Variants in FRMD4B observed in about 807,000 individuals in gnomAD.
The protein encoded by FRMD4B is FERM domain containing 4B.
In FRMD4B, 74 loss-of-function variants were observed where a neutral mutation model predicts 141.5. That is an observed-to-expected ratio of 0.52 (90% CI 0.43 to 0.63). The LOEUF (loss-of-function observed/expected upper bound fraction) is 0.63. FRMD4B is among the 30% of genes least tolerant of loss of function. The probability of loss-of-function intolerance (pLI) is 0.00; values close to 1 mark genes in which losing one functional copy is unlikely to be tolerated. For missense variants in FRMD4B, 1,366 were observed against 1,253.4 expected (o/e 1.09, Z -1.36); for synonymous variants, 506 against 467.9 (o/e 1.08, Z -1.05).
At chr3:69,341,512 C>T (rs1468079169) in intron 1 of FRMD4B, among the ~76,000 whole-genome samples, 3 of 152,174 alleles carry the variant, frequency 2.0e-5, no homozygotes, top group Admixed American at 6.5e-5. Context: ...GCAAGGCTTG[C>T]TCTTACATTC....
intron 1 of FRMD4B, among the ~76,000 whole-genome samples, chr3:69,498,680 A>T (rs937616570): frequency 6.6e-6 from 1 of 152,238 alleles, no homozygotes; most frequent in Non-Finnish European, 1.5e-5. Context: ...GTTAAGAGTT[A>T]TAAGAGTAAA....
chr3:69,356,072 G>C (rs1229259530), intron 1 of FRMD4B, among the ~76,000 whole-genome samples: 1 of 152,090 alleles, frequency 6.6e-6, no homozygotes. Context: ...GCTTTTCTTT[G>C]GGGACACCAT....
At chr3:69,280,208 A>G (rs2093638346) in intron 5 of FRMD4B, among the ~76,000 whole-genome samples, 1 of 152,086 alleles carries the variant, frequency 6.6e-6, no homozygotes, top group African/African-American at 2.4e-5. Flanking sequence ...GCATTTCCAC[A>G]TCACCACACC....
chr3:69,517,580 C>T (rs1313591993), intron 1 of FRMD4B, among the ~76,000 whole-genome samples: 1 of 152,136 alleles, frequency 6.6e-6, no homozygotes, highest in Non-Finnish European at 1.5e-5. Context: ...CAGTCCAAAA[C>T]TATCAAAGGC....
chr3:69,222,040 G>T lies in FRMD4B; in HGVS notation c.666-117C>A. 6 of 680,898 alleles carry T rather than the reference G, an allele frequency of 8.8e-6. No individual in the cohort carries two copies. In the South Asian group the frequency reaches 9.7e-5, roughly 11 times the overall value. 42.2% of individuals were successfully genotyped at this position (680,898 alleles called of 1,614,324 possible). Reference sequence around the variant, plus strand: ...TGAGAGAGAAAGCCTTCACCAACTTGTTTGGTAGATAGAGTTTGGCTTTTG... The same window carrying T: ...TGAGAGAGAAAGCCTTCACCAACTTTTTTGGTAGATAGAGTTTGGCTTTTG... On this transcript the variant is annotated intron_variant, in intron 8 of 22. Coordinates refer to ENST00000398540, the MANE Select transcript of FRMD4B (RefSeq NM_015123.3).
chr3:69,410,161 A>ACT (rs1704729072), intron 2 of FRMD4B, among the ~76,000 whole-genome samples: 1 of 152,190 alleles, frequency 6.6e-6, no homozygotes, highest in Non-Finnish European at 1.5e-5. Flanking sequence ...AACAAAGGTT[A>ACT]ACTTTCGTTG....
At chr3:69,198,848 C>G in intron 11 of FRMD4B, 74 bp from the exon 12 acceptor site, 1 of 754,220 alleles carries the variant, frequency 1.3e-6, no homozygotes, top group Non-Finnish European at 2.3e-6. Flanking sequence ...GCTTAATAAT[C>G]AAACAATTAT....
intron 5 of FRMD4B, chr3:69,250,322 T>TGTGTGTGTGTGTGTGTG: frequency 4.1e-6 from 2 of 486,506 alleles, no homozygotes; most frequent in South Asian, 5.4e-5. Context: ...TGTGTGTCTA[T>TGTGTGTGTGTGTGTGTG]TTTAAATAGC....
At chr3:69,517,866 T>G (rs1226450865) in intron 1 of FRMD4B, among the ~76,000 whole-genome samples, 1 of 152,190 alleles carries the variant, frequency 6.6e-6, no homozygotes. Context: ...AGTGCAGTCG[T>G]TTTCATACTT....
rs531412863 is a variant in FRMD4B, at chr3:69,205,171, T to C, written c.877-6397A>G. On this transcript the variant is annotated intron_variant, in intron 11 of 22. Coordinates refer to ENST00000398540, the MANE Select transcript of FRMD4B (RefSeq NM_015123.3). ...GCGGGATAGGACTGAGTCCCCCCCC[T>C]TTTTTTTTTGTATGAGATAGGGTCT... Among the ~76,000 whole-genome samples the C allele has an allele frequency of 5.5e-3, 780 of 141,436 alleles. 12 individuals are homozygous for C. Among genetic ancestry groups the C allele is most frequent in the African/African-American group, 0.02 (735 of 36,742 alleles). 92.8% of individuals were successfully genotyped at this position (141,436 alleles called of 152,430 possible). A position where few individuals can be genotyped will look rare whatever the true frequency, so the allele number is the denominator to read the frequency against.
chr3:69,388,584 C>A (rs1704317910), upstream of FRMD4B, among the ~76,000 whole-genome samples: 1 of 152,140 alleles, frequency 6.6e-6, no homozygotes, highest in African/African-American at 2.4e-5. Flanking sequence ...AACTTCAGAT[C>A]TCCTCTCCTC....
chr3:69,512,342 G>C (rs1181365744), intron 1 of FRMD4B, among the ~76,000 whole-genome samples: 1 of 152,192 alleles, frequency 6.6e-6, no homozygotes, highest in Non-Finnish European at 1.5e-5. Context: ...ACACTTTCTT[G>C]GGTTAACCGC....
intron 1 of FRMD4B, among the ~76,000 whole-genome samples, chr3:69,476,960 G>C (rs1338789439): frequency 6.6e-6 from 1 of 152,028 alleles, no homozygotes; most frequent in South Asian, 2.1e-4. Flanking sequence ...TATTCTCTTT[G>C]AAGCAATTGT....
chr3:69,315,401 T>C (rs1225173331), intron 1 of FRMD4B, among the ~76,000 whole-genome samples: 1 of 152,152 alleles, frequency 6.6e-6, no homozygotes, highest in Non-Finnish European at 1.5e-5. Context: ...TTTACTTTAG[T>C]ACATATTATA....
intron 11 of FRMD4B, among the ~76,000 whole-genome samples, chr3:69,204,846 TG>T (rs1256521929): frequency 2.6e-5 from 4 of 152,182 alleles, no homozygotes; most frequent in African/African-American, 9.6e-5. Context: ...AACAACCACA[TG>T]GGGCAGTACT....
intron 1 of FRMD4B, among the ~76,000 whole-genome samples, chr3:69,352,821 G>C (rs1703192352): frequency 6.6e-6 from 1 of 152,144 alleles, no homozygotes; most frequent in South Asian, 2.1e-4. Flanking sequence ...CTAGACTGGA[G>C]GACAAAATTC....
intron 21 of FRMD4B, among the ~76,000 whole-genome samples, chr3:69,177,731 G>A (rs190335400): frequency 2.0e-5 from 3 of 152,286 alleles, no homozygotes; most frequent in East Asian, 3.9e-4. Context: ...CATATATTGC[G>A]AGAATCTTCC....
chr3:69,203,337 A>G (rs867674262), intron 11 of FRMD4B, among the ~76,000 whole-genome samples: 3 of 120,298 alleles, frequency 2.5e-5, no homozygotes, highest in Non-Finnish European at 5.6e-5. Flanking sequence ...AAAAAAAAAA[A>G]AAAAAAAGAA....
intron 5 of FRMD4B, among the ~76,000 whole-genome samples, chr3:69,270,423 T>C (rs921367805): frequency 6.6e-6 from 1 of 152,218 alleles, no homozygotes; most frequent in Non-Finnish European, 1.5e-5. Flanking sequence ...AGATGACAGA[T>C]GTACAGGTAA....
Sources: gnomAD v4.1 joint callset for allele counts (sites outside exome capture counted in the v4.1 genomes callset) on GRCh38, gnomAD v4.1.1 for gene constraint, MANE v1.5 for transcripts, NCBI Gene and HGNC (gene_info 2026-07-23, HGNC 2026-07-21) for gene names.